CACNA1I: variants seen among roughly 807,000 people sequenced by gnomAD.
CACNA1I encodes the protein voltage-dependent T-type calcium channel subunit alpha-1I.
A neutral mutation model predicts 201.6 loss-of-function variants in CACNA1I; 74 were observed. The ratio of observed to expected loss-of-function variants is 0.37; its 90% CI spans 0.30 to 0.45. CACNA1I has a LOEUF of 0.45. Among genes scored for constraint, CACNA1I ranks in the 20% least tolerant of loss-of-function variants. The pLI is 1.00. For missense variants in CACNA1I, 2,346 were observed against 3,138.1 expected (o/e 0.75, Z 6.03); for synonymous variants, 1,431 against 1,345.2 (o/e 1.06, Z -1.40).
chr22:39,682,748 A>G, intron 35 of CACNA1I, 87 bp downstream of exon 35: 1 of 1,139,342 alleles, frequency 8.8e-7, no homozygotes, highest in East Asian at 2.6e-5. Flanking sequence ...TTTCCTTAGT[A>G]TTTTTACCCA....
chr22:39,595,587 T>C (rs1261339949), intron 1 of CACNA1I, among the ~76,000 whole-genome samples: 4 of 151,232 alleles, frequency 2.6e-5, no homozygotes, highest in Non-Finnish European at 5.9e-5. Context: ...ATCTTGCCAT[T>C]GCACTCCAGC....
Position 39,678,360 on chromosome 22 carries a change from A to C in CACNA1I, c.5055+252A>C, listed in dbSNP as rs5757770. On this transcript the variant is annotated intron_variant, in intron 31 of 36. Coordinates refer to ENST00000402142, the MANE Select transcript of CACNA1I (RefSeq NM_021096.4). ...CAGGGCTCAGATTCTAGGGTAGACA[A>C]CTCCACCCAGTTCCGGAGGGGACCT... 9.5e-4 allele frequency among the ~76,000 whole-genome samples: 144 copies of C among 152,194 alleles called. 4 individuals are homozygous for C. The East Asian group carries it at 0.026, about 28-fold the overall frequency.
At chr22:39,575,661 G>A (rs1431937556) in intron 1 of CACNA1I, among the ~76,000 whole-genome samples, 3 of 152,038 alleles carry the variant, frequency 2.0e-5, no homozygotes, top group Admixed American at 6.5e-5. Flanking sequence ...ATTGCTAATC[G>A]AGCCTGCCGG....
intron 20 of CACNA1I, 148 bp downstream of exon 20, chr22:39,664,307 G>A: frequency 1.5e-6 from 1 of 657,050 alleles, no homozygotes; most frequent in Non-Finnish European, 2.6e-6. Flanking sequence ...GCCAGCCCCG[G>A]GGCTGGGCTC....
chr22:39,679,394 C>T lies in CACNA1I; in HGVS notation c.5343C>T (p.Gly1781=), dbSNP rs1045426086. 2.3e-5 allele frequency: 34 copies of T among 1,484,994 alleles called. No homozygotes were observed. Among genetic ancestry groups the T allele is most frequent in the East Asian group, 1.0e-4 (4 of 38,496 alleles). The allele number at this position is 1,484,994 out of a possible 1,614,324, so 92.0% of individuals were successfully genotyped here. A position where few individuals can be genotyped will look rare whatever the true frequency, so the allele number is the denominator to read the frequency against. ...GCCGAGGGCCGGGAGGGGCGGGCGG[C>T]GGGGGCGACACCGAGGGCGGCTTGT... ...APGRGPGGAG[G]GGDTEGGLCR... Residue 1781 remains glycine, a synonymous_variant, in exon 32 of 37, where the codon GGC becomes GGT. Transcript: ENST00000402142.
In CACNA1I at chr22:39,648,583, G is replaced by A. The variant is rs1256577809; in HGVS notation, c.1567+657G>A. Among the ~76,000 whole-genome samples the A allele has an allele frequency of 6.6e-6, 1 of 152,122 alleles. No homozygotes were observed. Among genetic ancestry groups the A allele is most frequent in the Non-Finnish European group, 1.5e-5 (1 of 68,014 alleles). On this transcript the variant is annotated intron_variant, in intron 9 of 36. Transcript: ENST00000402142. The surrounding 1 kb of genome is among the most constrained non-coding windows in gnomAD (Gnocchi z 5.4). ...GGCTGCCCGCCCTGACTCCAGAGGT[G>A]TGAATGAGCCAGGGGTGCTTATTCA...
chr22:39,619,446 TCCATCCCTGGCCAAC>T lies in CACNA1I; in HGVS notation c.580+52_580+66del, dbSNP rs1023907919. Reference sequence around the variant, plus strand: ...GCCCTGTCCACACATTCCTGGCTGATCCATCCCTGGCCAACCCATCCCTGGCCTACCTAGCCAATG... The same window carrying T: ...GCCCTGTCCACACATTCCTGGCTGATCCATCCCTGGCCTACCTAGCCAATG... On this transcript the variant is annotated intron_variant, in intron 4 of 36. Coordinates refer to ENST00000402142, the MANE Select transcript of CACNA1I (RefSeq NM_021096.4). 15 of 1,517,300 alleles carry T rather than the reference TCCATCCCTGGCCAAC, an allele frequency of 9.9e-6. No individual in the cohort carries two copies. In the African/African-American group the frequency reaches 1.2e-4, roughly 12 times the overall value. The allele number at this position is 1,517,300 out of a possible 1,614,324, so 94.0% of individuals were successfully genotyped here. A position where few individuals can be genotyped will look rare whatever the true frequency, so the allele number is the denominator to read the frequency against.
At chr22:39,585,713 A>C (rs1397051117) in intron 1 of CACNA1I, among the ~76,000 whole-genome samples, 5 of 141,744 alleles carry the variant, frequency 3.5e-5, no homozygotes, top group Non-Finnish European at 7.5e-5. Context: ...AAAAAAAAAA[A>C]AAAAACTTTT....
intron 5 of CACNA1I, among the ~76,000 whole-genome samples, chr22:39,638,674 C>T (rs1409394730): frequency 2.0e-5 from 3 of 151,694 alleles, no homozygotes; most frequent in African/African-American, 7.3e-5. Flanking sequence ...TTTTTTCCCC[C>T]TAGTGGGTTA....
intron 3 of CACNA1I, among the ~76,000 whole-genome samples, chr22:39,616,696 G>A (rs556769127): frequency 4.6e-5 from 7 of 151,344 alleles, no homozygotes; most frequent in Admixed American, 2.0e-4. Context: ...CCCGGGAGGC[G>A]TAGGTTGTGG....
intron 3 of CACNA1I, among the ~76,000 whole-genome samples, chr22:39,603,893 C>T (rs1933136299): frequency 6.6e-6 from 1 of 152,068 alleles, no homozygotes; most frequent in Non-Finnish European, 1.5e-5. Context: ...ATCTTTTGGG[C>T]AGAAATCACA....
chr22:39,591,388 C>T (rs899897888), intron 1 of CACNA1I, among the ~76,000 whole-genome samples: 16 of 151,822 alleles, frequency 1.1e-4, no homozygotes, highest in Middle Eastern at 3.4e-3. Context: ...TCTTGAACTC[C>T]TGACCTCAAG....
Position 39,649,410 on chromosome 22 carries a change from C to A in CACNA1I, c.1568-91C>A. 7.5e-7 allele frequency: 1 copy of A among 1,325,442 alleles called. No individual in the cohort carries two copies. Among genetic ancestry groups the A allele is most frequent in the Non-Finnish European group, 1.0e-6 (1 of 992,278 alleles). The allele number at this position is 1,325,442 out of a possible 1,614,324, so 82.1% of individuals were successfully genotyped here. A position where few individuals can be genotyped will look rare whatever the true frequency, so the allele number is the denominator to read the frequency against. Reference sequence around the variant, plus strand: ...GGCTGGTTCCAGGCAGACCTGTGGGCCTGGGAGCCAAGCGCACTCAGGGAT... The same window carrying A: ...GGCTGGTTCCAGGCAGACCTGTGGGACTGGGAGCCAAGCGCACTCAGGGAT... On this transcript the variant is annotated intron_variant, in intron 9 of 36. Transcript: ENST00000402142. The surrounding 1 kb of genome is among the most constrained non-coding windows in gnomAD (Gnocchi z 7.3).
chr22:39,598,914 C>T (rs79420233), intron 2 of CACNA1I, among the ~76,000 whole-genome samples: 2,600 of 145,246 alleles, frequency 0.018, 89 homozygotes, highest in African/African-American at 0.063. Flanking sequence ...AGATTCCTCC[C>T]GGGAGGCATT....
At chr22:39,599,877 C>T (rs577711048) in intron 2 of CACNA1I, among the ~76,000 whole-genome samples, 1 of 152,312 alleles carries the variant, frequency 6.6e-6, no homozygotes, top group East Asian at 1.9e-4. Flanking sequence ...CCTCACTAAT[C>T]CTGGAAACAG....
chr22:39,571,100 G>A, intron 1 of CACNA1I, 112 bp downstream of exon 1: 1 of 926,556 alleles, frequency 1.1e-6, no homozygotes, highest in Non-Finnish European at 1.7e-6. Context: ...GAGGTCTGCG[G>A]TGAGGCCACT....
In CACNA1I at chr22:39,659,574, G is replaced by A. The variant is rs767022827; in HGVS notation, c.2448+24G>A. On this transcript the variant is annotated intron_variant, in intron 13 of 36. Coordinates refer to ENST00000402142, the MANE Select transcript of CACNA1I (RefSeq NM_021096.4). This position sits in a 1 kb window ranked among gnomAD's most constrained non-coding sequence, Gnocchi z 4.3. ...AGGTGAGTGGCCGCTGCGTGTTCAT[G>A]TTTGCTGGGGAAGCGATGGGACAGT... is the stretch of plus-strand genomic sequence containing the variant. 2 of 1,604,408 alleles carry A rather than the reference G, an allele frequency of 1.2e-6. No homozygotes were observed. The highest frequency in any genetic ancestry group is 2.2e-5 in the East Asian group (1 of 44,806).
chr22:39,597,910 G>A (rs1477477232), intron 1 of CACNA1I, among the ~76,000 whole-genome samples: 2 of 152,218 alleles, frequency 1.3e-5, no homozygotes, highest in African/African-American at 4.8e-5. Context: ...GCTGGGGCAA[G>A]GAGTGGGGTC....
At chr22:39,571,119 G>A (rs1210404502) in intron 1 of CACNA1I, 131 bp downstream of exon 1, 1 of 764,190 alleles carries the variant, frequency 1.3e-6, no homozygotes, top group Non-Finnish European at 2.3e-6. Context: ...CTGGGCCTTG[G>A]TGGTGGTGAG....
Sources: allele counts gnomAD v4.1 joint callset (sites outside exome capture counted in the v4.1 genomes callset), GRCh38; gene constraint gnomAD v4.1.1; non-coding constraint Gnocchi (gnomAD v3.1); transcripts MANE v1.5; gene names NCBI Gene and HGNC (gene_info 2026-07-23, HGNC 2026-07-21).